ATXN1: variants seen among roughly 807,000 people sequenced by gnomAD.
ATXN1 encodes ataxin 1.
ATXN1 carries 8 observed loss-of-function variants against 56.4 expected under a neutral mutation model. The ratio of observed to expected loss-of-function variants is 0.14; its 90% confidence interval spans 0.08 to 0.26. ATXN1 has a LOEUF of 0.26. Among genes scored for constraint, ATXN1 ranks in the 10% least tolerant of loss-of-function variants. The probability of loss-of-function intolerance (pLI) is 1.00; values close to 1 mark genes in which losing one functional copy is unlikely to be tolerated. For synonymous variants in ATXN1, 514 were observed against 494.6 expected, an observed-to-expected ratio of 1.04 and a Z score of -0.52; for missense variants, 987 against 1,106.5, an observed-to-expected ratio of 0.89 and a Z score of 1.53.
At chr6:16,528,264 G>A (rs1167654297) in intron 4 of ATXN1, among the ~76,000 whole-genome samples, 1 of 147,610 alleles carries the variant, frequency 6.8e-6, no homozygotes, top group East Asian at 2.0e-4. Flanking sequence ...TCGCACCACT[G>A]CACTCCAACC....
At chr6:16,679,099 G>A (rs974200192) in intron 2 of ATXN1, among the ~76,000 whole-genome samples, 11 of 152,112 alleles carry the variant, frequency 7.2e-5, no homozygotes, top group African/African-American at 2.7e-4. Flanking sequence ...TAGATGGATG[G>A]ATAGGTGGGA....
chr6:16,619,530 G>C (rs1297360100), intron 3 of ATXN1, among the ~76,000 whole-genome samples: 1 of 152,094 alleles, frequency 6.6e-6, no homozygotes, highest in African/African-American at 2.4e-5. Flanking sequence ...GTAAATATCA[G>C]GCAGCTAGCT....
intron 2 of ATXN1, among the ~76,000 whole-genome samples, chr6:16,729,871 T>C (rs1759929319): frequency 6.6e-6 from 1 of 152,222 alleles, no homozygotes; most frequent in South Asian, 2.1e-4. Context: ...GACTAAGTGC[T>C]TAGCAGTCTG....
At chr6:16,366,316 A>G (rs1761917661) in intron 6 of ATXN1, among the ~76,000 whole-genome samples, 1 of 152,158 alleles carries the variant, frequency 6.6e-6, no homozygotes, top group Non-Finnish European at 1.5e-5. Flanking sequence ...CCAGAATACC[A>G]CATTAATTCA....
chr6:16,580,377 T>C (rs2113759667), intron 4 of ATXN1, among the ~76,000 whole-genome samples: 1 of 152,388 alleles, frequency 6.6e-6, no homozygotes, highest in South Asian at 2.1e-4. Flanking sequence ...AATACTGTCA[T>C]TTTGATAAAG....
chr6:16,544,766 G>A (rs1271362788), intron 4 of ATXN1, among the ~76,000 whole-genome samples: 1 of 152,144 alleles, frequency 6.6e-6, no homozygotes, highest in Non-Finnish European at 1.5e-5. Flanking sequence ...TAATAAGGGA[G>A]GATCACTGGA....
At chr6:16,440,636 G>A (rs1759495076) in intron 6 of ATXN1, among the ~76,000 whole-genome samples, 2 of 22,798 alleles carry the variant, frequency 8.8e-5, no homozygotes, top group Admixed American at 4.9e-4. Context: ...GTGAGACCCT[G>A]TCTTAAAAAA....
intron 6 of ATXN1, among the ~76,000 whole-genome samples, chr6:16,371,990 T>C (rs532662141): frequency 6.6e-6 from 1 of 152,358 alleles, no homozygotes; most frequent in East Asian, 1.9e-4. Flanking sequence ...TAAAATTTCT[T>C]TATGTGTGAT....
chr6:16,359,880 C>T lies in ATXN1; in HGVS notation c.-160-31410G>A, dbSNP rs1055105172. Among the ~76,000 whole-genome samples, 13 of 151,870 alleles carry T rather than the reference C, an allele frequency of 8.6e-5. No homozygotes were observed. In the East Asian group the frequency reaches 1.5e-3, roughly 18 times the overall value. ...GAGCCAAGCCATGAGGATGCAAAGG[C>T]CTCACAATGATACAGTGGACTTTGG... is the stretch of plus-strand genomic sequence containing the variant. On this transcript the variant is annotated intron_variant, in intron 6 of 7. Transcript: ENST00000436367.
intron 6 of ATXN1, among the ~76,000 whole-genome samples, chr6:16,472,260 G>A (rs1309394691): frequency 6.6e-6 from 1 of 152,098 alleles, no homozygotes; most frequent in Middle Eastern, 3.2e-3. Flanking sequence ...TATTTATAAA[G>A]AGAAATGTAT....
chr6:16,605,134 C>T (rs557275941), intron 3 of ATXN1, among the ~76,000 whole-genome samples: 3 of 152,268 alleles, frequency 2.0e-5, no homozygotes, highest in African/African-American at 4.8e-5. Context: ...TCCACTAATG[C>T]CCAATTACTA....
chr6:16,355,476 G>C (rs946498548), intron 6 of ATXN1, among the ~76,000 whole-genome samples: 1 of 152,188 alleles, frequency 6.6e-6, no homozygotes, highest in Non-Finnish European at 1.5e-5. Context: ...GAGCTTGGTG[G>C]GGGAGGAGAA....
chr6:16,695,963 C>T (rs1759156604), intron 2 of ATXN1, among the ~76,000 whole-genome samples: 1 of 140,726 alleles, frequency 7.1e-6, no homozygotes, highest in Non-Finnish European at 1.5e-5. Context: ...GACTCTGTTT[C>T]TCTCTCTATA....
chr6:16,463,526 A>T (rs1344929292), intron 6 of ATXN1, among the ~76,000 whole-genome samples: 1 of 152,242 alleles, frequency 6.6e-6, no homozygotes, highest in African/African-American at 2.4e-5. Flanking sequence ...AGAAATAACA[A>T]AATCTATCCT....
chr6:16,508,943 GA>G (rs1342401238), intron 5 of ATXN1, among the ~76,000 whole-genome samples: 1 of 152,108 alleles, frequency 6.6e-6, no homozygotes, highest in African/African-American at 2.4e-5. Flanking sequence ...CTTAAAAAAA[GA>G]AATTCTGACA....
In ATXN1 at chr6:16,475,304, C is replaced by T. The variant is rs2113643842; in HGVS notation, c.-161+10668G>A. 2.6e-5 allele frequency among the ~76,000 whole-genome samples: 4 copies of T among 152,290 alleles called. No homozygotes were observed. In the South Asian group the frequency reaches 8.3e-4, roughly 32 times the overall value. On this transcript the variant is annotated intron_variant, in intron 6 of 7. Transcript: ENST00000436367. ...TTCACTGTCAGTGTAATGACAATGACAGTTAATGACAACTCCTATTATAGC... is the reference window on the plus strand; with the variant it reads ...TTCACTGTCAGTGTAATGACAATGATAGTTAATGACAACTCCTATTATAGC...
chr6:16,483,052 C>T (rs1266389126), intron 6 of ATXN1, among the ~76,000 whole-genome samples: 1 of 152,170 alleles, frequency 6.6e-6, no homozygotes, highest in Non-Finnish European at 1.5e-5. Context: ...ATATGGCTAA[C>T]AACAGCATTG....
chr6:16,637,306 T>C (rs1224051929), intron 3 of ATXN1, among the ~76,000 whole-genome samples: 1 of 126,868 alleles, frequency 7.9e-6, no homozygotes, highest in Non-Finnish European at 1.5e-5. Flanking sequence ...TGAGAACACT[T>C]GGTCACAGGA....
intron 7 of ATXN1, among the ~76,000 whole-genome samples, chr6:16,322,457 A>G (rs1760677476): frequency 6.6e-6 from 1 of 152,120 alleles, no homozygotes; most frequent in Non-Finnish European, 1.5e-5. Flanking sequence ...TTCATGCAGG[A>G]TTTCTGCCTA....
Sources: allele counts gnomAD v4.1 joint callset (sites outside exome capture counted in the v4.1 genomes callset), GRCh38; gene constraint gnomAD v4.1.1; transcripts MANE v1.5; gene names NCBI Gene and HGNC (gene_info 2026-07-23, HGNC 2026-07-21).